CCRL2: variants seen among roughly 807,000 people sequenced by gnomAD.
CCRL2 encodes C-C chemokine receptor-like 2.
For missense variants in CCRL2, 451 were observed against 412.4 expected, an observed-to-expected ratio of 1.09 and a Z score of -0.81; for synonymous variants, 181 against 165.6, an observed-to-expected ratio of 1.09 and a Z score of -0.71.
chr3:46,408,361 G>C lies in CCRL2; in HGVS notation c.282G>C (p.Trp94Cys), dbSNP rs1702080612. The change falls in exon 2 of 2, where the codon TGG (tryptophan) becomes TGC (cysteine). Residue 94 changes from tryptophan to cysteine, a missense_variant. Coordinates refer to ENST00000399036, the MANE Select transcript of CCRL2 (RefSeq NM_003965.5). Reference sequence around the variant, plus strand: ...GTTTCTTGCTTACCCTGCCCTTCTGGGCTCATGCTGGGGGCGATCCCATGT... The same window carrying C: ...GTTTCTTGCTTACCCTGCCCTTCTGCGCTCATGCTGGGGGCGATCCCATGT... ...NLCFLLTLPF[W>C]AHAGGDPMCK... The C allele has an allele frequency of 6.2e-7, 1 of 1,614,088 alleles. No individual in the cohort carries two copies. Among genetic ancestry groups the C allele is most frequent in the Non-Finnish European group, 8.5e-7 (1 of 1,180,038 alleles).
rs540298946 is a variant in CCRL2, at chr3:46,407,685, T to C, written c.-13+183T>C. 5 of 1,544,054 alleles carry C rather than the reference T, an allele frequency of 3.2e-6. No homozygotes were observed. The South Asian group carries it at 4.9e-5, about 15-fold the overall frequency. On this transcript the variant is annotated intron_variant, in intron 1 of 1. Coordinates refer to ENST00000399036, the MANE Select transcript of CCRL2 (RefSeq NM_003965.5). ...ATGCAGAAATTATGATCTACACCCG[T>C]TTCTTAAAAGTAAGCCATCGTACTT...
rs1175561646 is a variant in CCRL2, at chr3:46,408,714, C to T, written c.635C>T (p.Pro212Leu). Residue 212 changes from proline to leucine, a missense_variant, in exon 2 of 2, where the codon CCC becomes CTC. Coordinates refer to ENST00000399036, the MANE Select transcript of CCRL2 (RefSeq NM_003965.5). Reference protein sequence around the residue: ...LKMNISVLVLPLFIFTFLYVQ... With the variant: ...LKMNISVLVLLLFIFTFLYVQ... ...ATGAACATTTCGGTTCTTGTCCTCC[C>T]CCTATTTATTTTTACATTTCTCTAT... 3 of 1,613,998 alleles carry T rather than the reference C, an allele frequency of 1.9e-6. No homozygotes were observed. The East Asian group carries it at 6.7e-5, about 36-fold the overall frequency.
In CCRL2 at chr3:46,409,017, G is replaced by C. The variant is rs773748085; in HGVS notation, c.938G>C (p.Arg313Pro). ...LDGTFSKYLC[R>P]CFHLRSNTPL... ...GGGACATTTAGCAAATACCTCTGCCGCTGTTTCCATCTGCGTAGTAACACC... is the reference window on the plus strand; with the variant it reads ...GGGACATTTAGCAAATACCTCTGCCCCTGTTTCCATCTGCGTAGTAACACC... Residue 313 changes from arginine (R) to proline (P), a missense_variant, in exon 2 of 2, where the codon CGC (arginine) becomes CCC (proline). Physicochemically the swap from Arg to Pro is moderately radical, Grantham distance 103 (BLOSUM62 -2). Transcript: ENST00000399036. The C allele has an allele frequency of 8.1e-6, 13 of 1,614,092 alleles. No individual in the cohort carries two copies. Among genetic ancestry groups the C allele is most frequent in the Non-Finnish European group, 1.1e-5 (13 of 1,180,024 alleles).
In CCRL2 at chr3:46,408,514, GC is replaced by G; in HGVS notation, c.438del (p.Cys147ValfsTer11). The G allele has an allele frequency of 6.2e-7, 1 of 1,614,204 alleles. No individual in the cohort carries two copies. Among genetic ancestry groups the G allele is most frequent in the Non-Finnish European group, 8.5e-7 (1 of 1,180,026 alleles). ...GNFFSARRRVPCGIITSVLAW... is the reference protein window; with the variant it reads ...GNFFSARRRVXCGIITSVLAW... ...ACTTTTTCTCAGCCAGGAGGAGGGT[GC>G]CCTGTGGCATCATTACAAGTGTCCT... is the stretch of plus-strand genomic sequence containing the variant. On this transcript the variant is annotated frameshift_variant, in exon 2 of 2. Transcript: ENST00000399036. LOFTEE classifies it low-confidence loss of function (END_TRUNC).
In CCRL2 at chr3:46,409,448, C is replaced by G. The variant is rs1702110790; in HGVS notation, c.*334C>G. ...AGCCCTGGTAGCATTTGCTCAGAGCCTACGCTTGGTCCAGAACATCAAACT... is the reference window on the plus strand; with the variant it reads ...AGCCCTGGTAGCATTTGCTCAGAGCGTACGCTTGGTCCAGAACATCAAACT... On this transcript the variant is annotated 3_prime_UTR_variant, in exon 2 of 2. Transcript: ENST00000399036. The G allele has an allele frequency of 6.6e-6, 2 of 300,862 alleles. No individual in the cohort carries two copies. Among genetic ancestry groups the G allele is most frequent in the Non-Finnish European group, 1.3e-5 (2 of 155,192 alleles). The allele number at this position is 300,862 out of a possible 1,614,324, so 18.6% of individuals were successfully genotyped here.
Position 46,408,947 on chromosome 3 carries a change from A to G in CCRL2, c.868A>G (p.Thr290Ala). ...TGTTCACATCACTAAACTCATCGCCACCACCCACTGCTGCATCAACCCTCT... is the reference window on the plus strand; with the variant it reads ...TGTTCACATCACTAAACTCATCGCCGCCACCCACTGCTGCATCAACCCTCT... The part of the protein sequence containing the change: ...KSVHITKLIA[T>A]THCCINPLLY... The change falls in exon 2 of 2, where the codon ACC (threonine) becomes GCC (alanine). Residue 290 changes from threonine (T) to alanine (A), a missense_variant. By Grantham distance (58) the Thr-to-Ala change is moderately conservative. Transcript: ENST00000399036. The G allele has an allele frequency of 1.2e-6, 2 of 1,614,120 alleles. No individual in the cohort carries two copies.
rs781039384 is a variant in CCRL2, at chr3:46,408,484, G to A, written c.405G>A (p.Lys135=). Residue 135 remains lysine (K), a synonymous_variant, in exon 2 of 2, where the codon AAG becomes AAA. Coordinates refer to ENST00000399036, the MANE Select transcript of CCRL2 (RefSeq NM_003965.5). ...TVQRYLVFLH[K]GNFFSARRRV... ...AAAGGTACCTAGTGTTTTTGCACAA[G>A]GGAAACTTTTTCTCAGCCAGGAGGA... 6.2e-7 allele frequency: 1 copy of A among 1,614,184 alleles called. No individual in the cohort carries two copies. The highest frequency in any genetic ancestry group is 2.2e-5 in the East Asian group (1 of 44,878).
In CCRL2 at chr3:46,408,741, T is replaced by C. The variant is rs1402393693; in HGVS notation, c.662T>C (p.Val221Ala). 2 of 1,614,182 alleles carry C rather than the reference T, an allele frequency of 1.2e-6. No homozygotes were observed. Among genetic ancestry groups the C allele is most frequent in the South Asian group, 2.2e-5 (2 of 91,088 alleles). The change falls in exon 2 of 2, where the codon GTG becomes GCG. Residue 221 changes from valine (V) to alanine (A), a missense_variant. Val to Ala is a moderately conservative substitution (Grantham distance 64). Coordinates refer to ENST00000399036, the MANE Select transcript of CCRL2 (RefSeq NM_003965.5). Reference protein sequence around the residue: ...LPLFIFTFLYVQMRKTLRFRE... With the variant: ...LPLFIFTFLYAQMRKTLRFRE... The stretch of plus-strand genomic sequence containing the variant: ...CTATTTATTTTTACATTTCTCTATG[T>C]GCAAATGAGAAAAACACTAAGGTTC...
At position 46,408,162 on chromosome 3, in the gene CCRL2, G is replaced by A. The variant is rs774877530; in HGVS notation, c.83G>A (p.Cys28Tyr). The A allele has an allele frequency of 6.2e-6, 10 of 1,611,490 alleles. No homozygotes were observed. The highest frequency in any genetic ancestry group is 8.5e-6 in the Non-Finnish European group (10 of 1,178,702). ...GELESDEAEQCDKYDAQALSA... is the reference protein window; with the variant it reads ...GELESDEAEQYDKYDAQALSA... ...CTGGAGAGCGATGAGGCAGAGCAAT[G>A]TGACAAGTATGACGCCCAGGCACTC... Residue 28 changes from cysteine (C) to tyrosine (Y), a missense_variant, in exon 2 of 2, where the codon TGT (cysteine) becomes TAT (tyrosine). Transcript: ENST00000399036.
chr3:46,407,638 G>T, intron 1 of CCRL2, 136 bp downstream of exon 1: 1 of 1,538,790 alleles, frequency 6.5e-7, no homozygotes, highest in Non-Finnish European at 8.8e-7. Flanking sequence ...AGCTGCTTCG[G>T]GGGGTGAGCA....
In CCRL2 at chr3:46,409,195, T is replaced by C; in HGVS notation, c.*81T>C. 7 of 1,323,206 alleles carry C rather than the reference T, an allele frequency of 5.3e-6. No individual in the cohort carries two copies. Among genetic ancestry groups the C allele is most frequent in the Non-Finnish European group, 7.4e-6 (7 of 951,946 alleles). 82.0% of individuals were successfully genotyped at this position (1,323,206 alleles called of 1,614,324 possible). A position where few individuals can be genotyped will look rare whatever the true frequency, so the allele number is the denominator to read the frequency against. ...ATTTCATGTAAATTTTCTACACATT[T>C]GTATACAAAATCGGATACAGGAAGA... On this transcript the variant is annotated 3_prime_UTR_variant, in exon 2 of 2. Coordinates refer to ENST00000399036, the MANE Select transcript of CCRL2 (RefSeq NM_003965.5).
Position 46,408,593 on chromosome 3 carries a change from C to A in CCRL2, c.514C>A (p.Pro172Thr), listed in dbSNP as rs777080929. The A allele has an allele frequency of 2.5e-6, 4 of 1,614,130 alleles. No homozygotes were observed. The highest frequency in any genetic ancestry group is 2.5e-6 in the Non-Finnish European group (3 of 1,179,972). The change falls in exon 2 of 2, where the codon CCT (proline) becomes ACT (threonine). Residue 172 changes from proline to threonine, a missense_variant. Transcript: ENST00000399036. ...TTTGCCTGAATTCGTGGTTTATAAA[C>A]CTCAGATGGAAGACCAGAAATACAA... The part of the protein sequence containing the change: ...ATLPEFVVYK[P>T]QMEDQKYKCA...
At position 46,409,148 on chromosome 3, in the gene CCRL2, T is replaced by C. The variant is rs375244561; in HGVS notation, c.*34T>C. On this transcript the variant is annotated 3_prime_UTR_variant, in exon 2 of 2. Transcript: ENST00000399036. The stretch of plus-strand genomic sequence containing the variant: ...CCACCAAATGCAAGAAGAATAAACA[T>C]GGATTTTCATCTTTCTGCATTATTT... The C allele has an allele frequency of 6.6e-7, 1 of 1,509,910 alleles. No homozygotes were observed. Among genetic ancestry groups the C allele is most frequent in the Non-Finnish European group, 9.0e-7 (1 of 1,106,174 alleles). The allele number at this position is 1,509,910 out of a possible 1,614,324, so 93.5% of individuals were successfully genotyped here.
In CCRL2 at chr3:46,408,863, A is replaced by G. The variant is rs1302427997; in HGVS notation, c.784A>G (p.Thr262Ala). The G allele has an allele frequency of 1.2e-6, 2 of 1,614,086 alleles. No homozygotes were observed. Among genetic ancestry groups the G allele is most frequent in the Non-Finnish European group, 8.5e-7 (1 of 1,180,006 alleles). ...CTACAATATTGCATTTTTCCTGTCC[A>G]CTTTCAAAGAACACTTCTCCCTGAG... ...APYNIAFFLS[T>A]FKEHFSLSDC... Residue 262 changes from threonine to alanine, a missense_variant, in exon 2 of 2, where the codon ACT becomes GCT. Physicochemically the swap from Thr to Ala is moderately conservative, Grantham distance 58 (BLOSUM62 0). Transcript: ENST00000399036.
chr3:46,408,642 TC>T lies in CCRL2; in HGVS notation c.565del (p.Leu189CysfsTer12). 1 of 1,614,224 alleles carries T rather than the reference TC, an allele frequency of 6.2e-7. No individual in the cohort carries two copies. Among genetic ancestry groups the T allele is most frequent in the Non-Finnish European group, 8.5e-7 (1 of 1,180,036 alleles). Reference protein sequence around the residue: ...KYKCAFSRTPFLPADETFWKH... With the variant: ...KYKCAFSRTPXLPADETFWKH... ...AAGTGTGCATTTAGCAGAACTCCCT[TC>T]CTGCCAGCTGATGAGACATTCTGGA... On this transcript the variant is annotated frameshift_variant, in exon 2 of 2. Coordinates refer to ENST00000399036, the MANE Select transcript of CCRL2 (RefSeq NM_003965.5). LOFTEE classifies it low-confidence loss of function (END_TRUNC).
At position 46,408,241 on chromosome 3, in the gene CCRL2, G is replaced by A. The variant is rs1452317030; in HGVS notation, c.162G>A (p.Leu54=). Residue 54 remains leucine (L), a synonymous_variant, in exon 2 of 2, where the codon CTG becomes CTA. Transcript: ENST00000399036. ...CTGCTGTGTTTGTGATCGGTGTCCT[G>A]GACAATCTCCTGGTTGTGCTTATCC... ...LCSAVFVIGV[L]DNLLVVLILV... The A allele has an allele frequency of 6.8e-6, 11 of 1,614,062 alleles. No individual in the cohort carries two copies. The highest frequency in any genetic ancestry group is 8.5e-6 in the Non-Finnish European group (10 of 1,180,028).
Position 46,407,393 on chromosome 3 carries a change from A to G in CCRL2, c.-122A>G, listed in dbSNP as rs1702061579. On this transcript the variant is annotated 5_prime_UTR_variant, in exon 1 of 2. Coordinates refer to ENST00000399036, the MANE Select transcript of CCRL2 (RefSeq NM_003965.5). ...GTGGTTTCTCGTGCCCCTCAGGGTC[A>G]GGAGCAGTCTGATCAAAAGGAGGGC... The G allele has an allele frequency of 4.3e-6, 2 of 462,828 alleles. No individual in the cohort carries two copies. The highest frequency in any genetic ancestry group is 2.1e-5 in the African/African-American group (1 of 48,066). 28.7% of individuals were successfully genotyped at this position (462,828 alleles called of 1,614,324 possible). A position where few individuals can be genotyped will look rare whatever the true frequency, so the allele number is the denominator to read the frequency against.
At chr3:46,407,650 A>G (rs1424049433) in intron 1 of CCRL2, 148 bp downstream of exon 1, 7 of 1,508,366 alleles carry the variant, frequency 4.6e-6, no homozygotes, top group Non-Finnish European at 1.8e-6. Context: ...GGGTGAGCAA[A>G]CTTTTTAAAA....
In CCRL2 at chr3:46,408,621, G is replaced by T. The variant is rs1702090665; in HGVS notation, c.542G>T (p.Cys181Phe). Residue 181 changes from cysteine (C) to phenylalanine (F), a missense_variant, in exon 2 of 2, where the codon TGT (cysteine) becomes TTT (phenylalanine). Transcript: ENST00000399036. The stretch of plus-strand genomic sequence containing the variant: ...CAGATGGAAGACCAGAAATACAAGT[G>T]TGCATTTAGCAGAACTCCCTTCCTG... ...KPQMEDQKYK[C>F]AFSRTPFLPA... The T allele has an allele frequency of 2.5e-6, 4 of 1,614,186 alleles. No homozygotes were observed. The highest frequency in any genetic ancestry group is 3.4e-6 in the Non-Finnish European group (4 of 1,180,050).
Sources: gnomAD v4.1 joint callset for allele counts on GRCh38, gnomAD v4.1.1 for gene constraint, MANE v1.5 for transcripts, NCBI Gene and HGNC (gene_info 2026-07-23, HGNC 2026-07-21) for gene names.